The following PRC1 variants were observed in gnomAD, a reference collection of about 807,000 sequenced individuals.
PRC1 encodes the protein protein regulator of cytokinesis 1, also known as anaphase spindle elongation 1 homolog.
In PRC1, 54 loss-of-function variants were observed where a neutral mutation model predicts 91.2. The observed-to-expected ratio is 0.59, with a 90% confidence interval of 0.48 to 0.74. The LOEUF (loss-of-function observed/expected upper bound fraction) is 0.74, where lower values mean the gene tolerates loss of function less well. PRC1 is among the 30% of genes least tolerant of loss of function. The pLI, the probability that PRC1 is intolerant of heterozygous loss-of-function variation, is 0.00. For synonymous variants in PRC1, 275 were observed against 263.6 expected (o/e 1.04, Z -0.42); for missense variants, 727 against 746.2 (o/e 0.97, Z 0.30).
chr15:90,968,392 G>A (rs1006444254), intron 14 of PRC1: 1 of 985,442 alleles, frequency 1.0e-6, no homozygotes. Flanking sequence ...GGGGAGGCAG[G>A]CTAGGGGTTT....
At chr15:90,970,179 A>G (rs2151430140) in intron 12 of PRC1, among the ~76,000 whole-genome samples, 2 of 152,250 alleles carry the variant, frequency 1.3e-5, no homozygotes, top group South Asian at 4.2e-4. Context: ...GACACATCCC[A>G]GTGCTTCCCA....
chr15:90,984,654 AC>A lies in PRC1; in HGVS notation c.144+38del. ...TCTCGGGTGAGACACCAACATCCTT[AC>A]CCTGGTCCAATGCAGAGACCAGTAC... On this transcript the variant is annotated intron_variant, in intron 2 of 14. Coordinates refer to ENST00000394249, the MANE Select transcript of PRC1 (RefSeq NM_003981.4). This position sits in a 1 kb window ranked among gnomAD's most constrained non-coding sequence, Gnocchi z 5.1. 6.2e-7 allele frequency: 1 copy of A among 1,611,500 alleles called. No individual in the cohort carries two copies. The highest frequency in any genetic ancestry group is 1.1e-5 in the South Asian group (1 of 90,778).
intron 1 of PRC1, among the ~76,000 whole-genome samples, chr15:90,991,110 T>A (rs1322298576): frequency 1.3e-5 from 2 of 150,984 alleles, no homozygotes; most frequent in Non-Finnish European, 3.0e-5. Context: ...TGTGACTTAA[T>A]TGAAAAACTT....
At chr15:90,989,016 C>A (rs2039781454) in intron 1 of PRC1, among the ~76,000 whole-genome samples, 1 of 152,098 alleles carries the variant, frequency 6.6e-6, no homozygotes, top group Admixed American at 6.5e-5. Context: ...TCTGAATAGA[C>A]ATTTCTCCAA....
At chr15:90,980,206 A>G (rs1205982953) in intron 7 of PRC1, 36 bp downstream of exon 7, 4 of 1,556,876 alleles carry the variant, frequency 2.6e-6, no homozygotes, top group African/African-American at 1.4e-5. Context: ...ACCTGTCTCC[A>G]AACAAACAAA....
chr15:90,982,421 A>T (rs2039268807), intron 3 of PRC1, among the ~76,000 whole-genome samples: 1 of 152,178 alleles, frequency 6.6e-6, no homozygotes, highest in African/African-American at 2.4e-5. Context: ...CTCTATGATT[A>T]GACTACTCCA....
intron 7 of PRC1, 64 bp downstream of exon 7, chr15:90,980,178 G>T (rs967867018): frequency 8.8e-6 from 13 of 1,473,256 alleles, no homozygotes; most frequent in African/African-American, 1.4e-5. Flanking sequence ...TTGAGACTAG[G>T]CTGGGCAACA....
chr15:90,970,862 C>G (rs1409314252), intron 11 of PRC1, among the ~76,000 whole-genome samples: 1 of 152,224 alleles, frequency 6.6e-6, no homozygotes, highest in Non-Finnish European at 1.5e-5. Flanking sequence ...CAACAGCTCC[C>G]TGCAGCAGCC....
chr15:90,977,732 C>T (rs1424604468), intron 8 of PRC1, among the ~76,000 whole-genome samples: 4 of 151,802 alleles, frequency 2.6e-5, no homozygotes, highest in South Asian at 4.2e-4. Flanking sequence ...TACAAGTGCC[C>T]GCCACCATGC....
chr15:90,992,202 T>C (rs926183291), intron 1 of PRC1, among the ~76,000 whole-genome samples: 7 of 152,116 alleles, frequency 4.6e-5, no homozygotes. Context: ...CCCCCCTTCC[T>C]ACACCTTCAG....
chr15:90,970,979 T>A (rs1158416462), intron 11 of PRC1, among the ~76,000 whole-genome samples: 1 of 152,214 alleles, frequency 6.6e-6, no homozygotes, highest in African/African-American at 2.4e-5. Flanking sequence ...AGGAGTGACC[T>A]TTTGATACAT....
At chr15:90,981,444 G>C (rs759415488) in intron 5 of PRC1, 55 bp downstream of exon 5, 1 of 1,579,314 alleles carries the variant, frequency 6.3e-7, no homozygotes, top group Admixed American at 1.7e-5. Flanking sequence ...TGTCAGTTTT[G>C]TTCAAACTGC....
chr15:90,968,119 G>A lies in PRC1; in HGVS notation c.1792-917C>T, dbSNP rs527948897. On this transcript the variant is annotated intron_variant, in intron 14 of 14. Transcript: ENST00000394249. ...TCAGCCATAGCAACCCAAACCAGAC[G>A]AACCTACCTAGGACTAGCCACACAG... The A allele has an allele frequency of 3.1e-5, 31 of 985,394 alleles. No homozygotes were observed. The South Asian group carries it at 1.1e-3, about 36-fold the overall frequency. The allele number at this position is 985,394 out of a possible 1,614,324, so 61.0% of individuals were successfully genotyped here. A position where few individuals can be genotyped will look rare whatever the true frequency, so the allele number is the denominator to read the frequency against.
intron 13 of PRC1, 127 bp from the exon 14 acceptor site, chr15:90,969,247 C>G: frequency 8.2e-7 from 1 of 1,216,772 alleles, no homozygotes; most frequent in Middle Eastern, 2.0e-4. Context: ...GGTTAAATGT[C>G]TAGTTGCTGC....
At position 90,969,457 on chromosome 15, in the gene PRC1, G is replaced by A. The variant is rs377324152; in HGVS notation, c.1739C>T (p.Ser580Phe). Residue 580 changes from serine to phenylalanine, a missense_variant, in exon 13 of 15, where the codon TCT becomes TTT. Physicochemically the swap from Ser to Phe is radical, Grantham distance 155. Transcript: ENST00000394249. ...FSINSVASTY[S>F]EFAKDPSLSD... ...GAAAAGGTGAATTACCGCAAACTCA[G>A]AATAGGTGCTGGCAACAGAATTAAT... The A allele has an allele frequency of 1.7e-4, 265 of 1,602,326 alleles. No homozygotes were observed. The highest frequency in any genetic ancestry group is 1.7e-4 in the Middle Eastern group (1 of 6,012).
Position 90,966,938 on chromosome 15 carries a change from C to T in PRC1, c.*193G>A. 1 of 605,166 alleles carries T rather than the reference C, an allele frequency of 1.7e-6. No homozygotes were observed. Among genetic ancestry groups the T allele is most frequent in the Non-Finnish European group, 2.9e-6 (1 of 340,966 alleles). 37.5% of individuals were successfully genotyped at this position (605,166 alleles called of 1,614,324 possible). ...TCATGTATATAAGTCAAAACCAAGT[C>T]TCCTAGGACCACTAAACCTATGATG... On this transcript the variant is annotated 3_prime_UTR_variant, in exon 15 of 15. Coordinates refer to ENST00000394249, the MANE Select transcript of PRC1 (RefSeq NM_003981.4).
chr15:90,984,841 T>A lies in PRC1; in HGVS notation c.12-16A>T. On this transcript the variant is annotated splice_polypyrimidine_tract_variant and intron_variant, in intron 1 of 14. Coordinates refer to ENST00000394249, the MANE Select transcript of PRC1 (RefSeq NM_003981.4). This position sits in a 1 kb window ranked among gnomAD's most constrained non-coding sequence, Gnocchi z 5.1. ...CAGCACCTCACTGAAAACCAAAAACTAAGGCCTGTTAGTTACATCAGTCAC... is the reference window on the plus strand; with the variant it reads ...CAGCACCTCACTGAAAACCAAAAACAAAGGCCTGTTAGTTACATCAGTCAC... The A allele has an allele frequency of 6.2e-7, 1 of 1,613,860 alleles. No individual in the cohort carries two copies.
intron 14 of PRC1, chr15:90,967,571 A>G (rs1199549026): frequency 1.2e-5 from 2 of 173,008 alleles, no homozygotes; most frequent in Non-Finnish European, 2.4e-5. Context: ...TACCTTTTCT[A>G]TGTTTAGATA....
rs745615333 is a variant in PRC1 at position 90,981,559 on chromosome 15, G to A, written c.612C>T (p.Asp204=). The A allele has an allele frequency of 3.4e-5, 55 of 1,613,888 alleles. No individual in the cohort carries two copies. In the South Asian group the frequency reaches 4.7e-4, roughly 14 times the overall value. Residue 204 remains aspartate (D), a synonymous_variant, in exon 5 of 15, where the codon GAC becomes GAT. Transcript: ENST00000394249. The part of the protein sequence containing the change: ...TSFERDVVCE[D]EDAFCLSLEN... Reference sequence around the variant, plus strand: ...CCAAAGACAAACAAAAGGCATCTTCGTCTTCACACACCACATCTCTTTCAA... The same window carrying A: ...CCAAAGACAAACAAAAGGCATCTTCATCTTCACACACCACATCTCTTTCAA...
Sources: gnomAD v4.1 joint callset for allele counts (sites outside exome capture counted in the v4.1 genomes callset) on GRCh38, gnomAD v4.1.1 for gene constraint, Gnocchi (gnomAD v3.1) non-coding constraint, MANE v1.5 for transcripts, NCBI Gene and HGNC (gene_info 2026-07-23, HGNC 2026-07-21) for gene names.